Variants in NELFB observed in about 807,000 individuals in gnomAD.
NELFB encodes the protein negative elongation factor B.
Under a neutral mutation model 60.2 loss-of-function variants are expected in NELFB, and 34 were observed. The ratio of observed to expected loss-of-function variants is 0.56; its 90% CI spans 0.43 to 0.75. NELFB has a LOEUF of 0.75. Ranked by LOEUF, NELFB falls within the 30% of genes least tolerant of loss-of-function variation. The probability of loss-of-function intolerance (pLI) is 0.00; values close to 1 mark genes in which losing one functional copy is unlikely to be tolerated. For synonymous variants in NELFB, 459 were observed against 382.1 expected, an observed-to-expected ratio of 1.20 and a Z score of -2.35; for missense variants, 770 against 831.6, an observed-to-expected ratio of 0.93 and a Z score of 0.91.
Position 137,255,790 on chromosome 9 carries a change from C to T in NELFB, c.247-117C>T. On this transcript the variant is annotated intron_variant, in intron 1 of 12. Transcript: ENST00000343053. Reference sequence around the variant, plus strand: ...TGGACGGCTGGGTGGCTTTCGGTGGCTGCGGTTACCGCCAGCACGGCTGGG... The same window carrying T: ...TGGACGGCTGGGTGGCTTTCGGTGGTTGCGGTTACCGCCAGCACGGCTGGG... 4 of 1,531,350 alleles carry T rather than the reference C, an allele frequency of 2.6e-6. No individual in the cohort carries two copies. The East Asian group carries it at 9.1e-5, about 35-fold the overall frequency. 94.9% of individuals were successfully genotyped at this position (1,531,350 alleles called of 1,614,324 possible). A position where few individuals can be genotyped will look rare whatever the true frequency, so the allele number is the denominator to read the frequency against.
At chr9:137,256,738 TC>T in intron 3 of NELFB, 85 bp from the exon 4 acceptor site, 1 of 1,286,624 alleles carries the variant, frequency 7.8e-7, no homozygotes, top group Non-Finnish European at 1.1e-6. Context: ...CGAGGTGGTC[TC>T]TGCGGGGCTG....
At chr9:137,265,387 C>CTTTTTTTT (rs66744887) in intron 6 of NELFB, among the ~76,000 whole-genome samples, 2,893 of 91,768 alleles carry the variant, frequency 0.032, 337 homozygotes, top group East Asian at 0.073. Flanking sequence ...AAACCTTAAG[C>CTTTTTTTT]TTTTTTTTTT....
Position 137,256,757 on chromosome 9 carries a change from T to C in NELFB, c.511-67T>C, listed in dbSNP as rs1035998701. The stretch of plus-strand genomic sequence containing the variant: ...GTGGTCTCTGCGGGGCTGAGGCCTC[T>C]TGGCTTGTCTTGAAGGAGACCCAGG... On this transcript the variant is annotated intron_variant, in intron 3 of 12. Transcript: ENST00000343053. 7.9e-6 allele frequency: 12 copies of C among 1,515,472 alleles called. No individual in the cohort carries two copies. In the East Asian group the frequency reaches 2.1e-4, roughly 26 times the overall value. The allele number at this position is 1,515,472 out of a possible 1,614,324, so 93.9% of individuals were successfully genotyped here.
chr9:137,273,216 T>C lies in NELFB; in HGVS notation c.*288T>C. Reference sequence around the variant, plus strand: ...TGTGTTAGGAAAAAACCACCTGTTTTCCAAGGGGAGAGGGCGGGGCCTGAG... The same window carrying C: ...TGTGTTAGGAAAAAACCACCTGTTTCCCAAGGGGAGAGGGCGGGGCCTGAG... On this transcript the variant is annotated 3_prime_UTR_variant, in exon 13 of 13. Transcript: ENST00000343053. The C allele has an allele frequency of 8.3e-6, 2 of 240,804 alleles. No homozygotes were observed. The highest frequency in any genetic ancestry group is 1.6e-5 in the Non-Finnish European group (2 of 126,184). The allele number at this position is 240,804 out of a possible 1,614,324, so 14.9% of individuals were successfully genotyped here.
chr9:137,262,965 G>C, intron 4 of NELFB, 72 bp from the exon 5 acceptor site: 7 of 1,540,908 alleles, frequency 4.5e-6, no homozygotes, highest in Non-Finnish European at 6.2e-6. Flanking sequence ...CCGCGCTGTC[G>C]CCGGGCGTGA....
intron 5 of NELFB, among the ~76,000 whole-genome samples, chr9:137,263,671 G>C (rs1310594419): frequency 2.0e-5 from 3 of 151,822 alleles, no homozygotes; most frequent in African/African-American, 4.8e-5. Flanking sequence ...GGGGAAGGAG[G>C]CTAGTCCCCT....
chr9:137,257,750 C>G (rs1837578929), intron 4 of NELFB, among the ~76,000 whole-genome samples: 1 of 151,854 alleles, frequency 6.6e-6, no homozygotes, highest in Non-Finnish European at 1.5e-5. Context: ...GATCCGCCCC[C>G]CTCGGCCTCC....
rs778399072 is a variant in NELFB at position 137,265,916 on chromosome 9, C to A, written c.1080C>A (p.Asn360Lys). Residue 360 changes from asparagine (N) to lysine (K), a missense_variant, in exon 7 of 13, where the codon AAC (asparagine) becomes AAA (lysine). Physicochemically the swap from Asn to Lys is moderately conservative, Grantham distance 94 (BLOSUM62 0). Coordinates refer to ENST00000343053, the MANE Select transcript of NELFB (RefSeq NM_015456.5). The stretch of plus-strand genomic sequence containing the variant: ...TCCTGTGTGACCCCTTCGCCATCAA[C>A]ACGCTGGCACTGAGCACAGTCAGGC... The A allele has an allele frequency of 1.2e-6, 2 of 1,613,106 alleles. No individual in the cohort carries two copies. The highest frequency in any genetic ancestry group is 1.1e-5 in the South Asian group (1 of 91,088).
chr9:137,265,764 A>T, intron 6 of NELFB, 113 bp from the exon 7 acceptor site: 2 of 714,516 alleles, frequency 2.8e-6, no homozygotes, highest in South Asian at 1.6e-5. Context: ...CCAGCATGTG[A>T]TGGGCACCCG....
chr9:137,256,435 C>T lies in NELFB; in HGVS notation c.510+7C>T, dbSNP rs1311525119. 4 of 1,610,636 alleles carry T rather than the reference C, an allele frequency of 2.5e-6. 1 individual carries two copies. The Admixed American group carries it at 6.7e-5, about 27-fold the overall frequency. On this transcript the variant is annotated splice_region_variant and intron_variant, in intron 3 of 12. Coordinates refer to ENST00000343053, the MANE Select transcript of NELFB (RefSeq NM_015456.5). ...CATGAAGCACCTGCCCAAGGTAGGGCCCTAACCCTAACCCTGATGGCGTGG... is the reference window on the plus strand; with the variant it reads ...CATGAAGCACCTGCCCAAGGTAGGGTCCTAACCCTAACCCTGATGGCGTGG...
At chr9:137,270,533 T>TGAGCCGAGATTGCACC (rs1426975199) in intron 10 of NELFB, among the ~76,000 whole-genome samples, 4 of 152,158 alleles carry the variant, frequency 2.6e-5, no homozygotes, top group African/African-American at 7.2e-5. Context: ...GAGGTTGCAG[T>TGAGCCGAGATTGCACC]GAGCCGAGAT....
intron 5 of NELFB, among the ~76,000 whole-genome samples, chr9:137,263,539 C>G (rs1188128954): frequency 6.7e-6 from 1 of 149,654 alleles, no homozygotes; most frequent in Non-Finnish European, 1.5e-5. Context: ...GGCTCCTCTC[C>G]TCTCCGTGGG....
chr9:137,265,235 A>G (rs1332026783), intron 6 of NELFB, among the ~76,000 whole-genome samples: 1 of 150,958 alleles, frequency 6.6e-6, no homozygotes, highest in Non-Finnish European at 1.5e-5. Context: ...CGCCCGGGCT[A>G]GTCTCAAACA....
chr9:137,272,723 C>A, intron 12 of NELFB, 59 bp from the exon 13 acceptor site: 2 of 1,518,262 alleles, frequency 1.3e-6, no homozygotes, highest in South Asian at 1.2e-5. Flanking sequence ...GGCACCCACC[C>A]CTGTGCCCCC....
intron 10 of NELFB, 117 bp downstream of exon 10, chr9:137,267,463 C>CTCCAACT: frequency 1.4e-6 from 1 of 735,160 alleles, no homozygotes; most frequent in Non-Finnish European, 2.2e-6. Flanking sequence ...CCCAGCCCAC[C>CTCCAACT]TCCAACTTTG....
chr9:137,266,728 T>C (rs1483284698), intron 8 of NELFB, among the ~76,000 whole-genome samples: 1 of 152,060 alleles, frequency 6.6e-6, no homozygotes, highest in African/African-American at 2.4e-5. Context: ...AGGTGGTGAC[T>C]ACTCCATGTG....
intron 4 of NELFB, among the ~76,000 whole-genome samples, chr9:137,260,401 T>TTTA (rs78913931): frequency 7.6e-5 from 6 of 78,798 alleles, no homozygotes; most frequent in South Asian, 4.3e-4. Context: ...TTAAAATTTT[T>TTTA]TTTATTTATT....
intron 6 of NELFB, among the ~76,000 whole-genome samples, chr9:137,265,256 C>T (rs1002546379): frequency 1.1e-4 from 16 of 151,888 alleles, no homozygotes; most frequent in African/African-American, 3.4e-4. Context: ...AACAATCCAC[C>T]GGCCTCAGCA....
Position 137,263,204 on chromosome 9 carries a change from C to T in NELFB, c.909C>T (p.Thr303=), listed in dbSNP as rs148280780. 180 of 1,611,768 alleles carry T rather than the reference C, an allele frequency of 1.1e-4. No individual in the cohort carries two copies. Among genetic ancestry groups the T allele is most frequent in the Admixed American group, 8.2e-4 (49 of 60,010 alleles). The change falls in exon 5 of 13, where the codon ACC becomes ACT. Residue 303 remains threonine, a synonymous_variant. Transcript: ENST00000343053. ...ACCTGGACGTGGGTGAAATCTGCAC[C>T]GTGGACCCGTGCCACAAGGTAGCAC...
Sources: gnomAD v4.1 joint callset for allele counts (sites outside exome capture counted in the v4.1 genomes callset) on GRCh38, gnomAD v4.1.1 for gene constraint, MANE v1.5 for transcripts, NCBI Gene and HGNC (gene_info 2026-07-23, HGNC 2026-07-21) for gene names.